The following SLC4A10 variants were observed in gnomAD, a reference collection of about 807,000 sequenced individuals.
The protein encoded by SLC4A10 is sodium-driven chloride bicarbonate exchanger.
SLC4A10 carries 42 observed loss-of-function variants against 137.7 expected under a neutral mutation model. That is an observed-to-expected ratio of 0.30 (90% CI 0.24 to 0.39). The LOEUF (loss-of-function observed/expected upper bound fraction) is 0.39, where lower values mean the gene tolerates loss of function less well. SLC4A10 is among the 10% of genes least tolerant of loss of function. The pLI, the probability that SLC4A10 is intolerant of heterozygous loss-of-function variation, is 1.00. For missense variants in SLC4A10, 925 were observed against 1,355.0 expected (o/e 0.68, Z 4.98); for synonymous variants, 474 against 464.1 (o/e 1.02, Z -0.27).
At chr2:161,844,425 A>G (rs1400052123) in intron 4 of SLC4A10, among the ~76,000 whole-genome samples, 1 of 152,136 alleles carries the variant, frequency 6.6e-6, no homozygotes, top group African/African-American at 2.4e-5. Context: ...TAAGATGACT[A>G]TAGGTATTCT....
intron 1 of SLC4A10, among the ~76,000 whole-genome samples, chr2:161,627,934 G>A (rs2032764972): frequency 6.6e-6 from 1 of 152,072 alleles, no homozygotes; most frequent in Non-Finnish European, 1.5e-5. Context: ...AGCTAGACTA[G>A]AAATAGGACT....
chr2:161,716,900 T>A (rs1451974430), intron 1 of SLC4A10, among the ~76,000 whole-genome samples: 1 of 152,206 alleles, frequency 6.6e-6, no homozygotes, highest in Non-Finnish European at 1.5e-5. Flanking sequence ...GTATGGCCAT[T>A]TTCATGATGT....
chr2:161,976,585 T>G (rs1699413561), intron 24 of SLC4A10, among the ~76,000 whole-genome samples, 175 bp from the exon 25 acceptor site: 1 of 152,240 alleles, frequency 6.6e-6, no homozygotes, highest in Non-Finnish European at 1.5e-5. Flanking sequence ...TGAACTGTAC[T>G]TTTAAAAATA....
At chr2:161,632,426 C>CCACATACACACAACAAACCCAA (rs1378837923) in intron 1 of SLC4A10, among the ~76,000 whole-genome samples, 2 of 151,558 alleles carry the variant, frequency 1.3e-5, no homozygotes, top group African/African-American at 4.8e-5. Context: ...AAAAAACCCA[C>CCACATACACACAACAAACCCAA]CACATACACA....
rs1032288628 is a variant in SLC4A10, at chr2:161,984,488, C to T, written c.*1336C>T. On this transcript the variant is annotated 3_prime_UTR_variant, in exon 27 of 27. Transcript: ENST00000446997. ...TCAACTTTATAATACTCCAATATTC[C>T]GTTTTATAATAATTCAGAGCCCTGT... is the stretch of plus-strand genomic sequence containing the variant. The T allele has an allele frequency of 1.2e-4, 18 of 151,948 alleles. No homozygotes were observed. Among genetic ancestry groups the T allele is most frequent in the Admixed American group, 7.9e-4 (12 of 15,256 alleles). The allele number at this position is 151,948 out of a possible 1,614,324, so 9.4% of individuals were successfully genotyped here. A position where few individuals can be genotyped will look rare whatever the true frequency, so the allele number is the denominator to read the frequency against.
intron 1 of SLC4A10, among the ~76,000 whole-genome samples, chr2:161,743,864 A>T (rs1482876780): frequency 6.6e-6 from 1 of 151,844 alleles, no homozygotes; most frequent in Admixed American, 6.6e-5. Context: ...TCTTTGATGA[A>T]GTTTATTCCT....
At position 161,947,688 on chromosome 2, in the gene SLC4A10, C is replaced by G; in HGVS notation, c.2226C>G (p.Thr742=). ...TTTCCACAGTTACTCTGTCAGCCAC[C>G]CTGAAGCAGTTCAAGACTAGCAGAT... ...LFFSTVTLSA[T]LKQFKTSRYF... is the part of the protein sequence containing the mutation. The change falls in exon 17 of 27, where the codon ACC becomes ACG. Residue 742 remains threonine, a synonymous_variant. Coordinates refer to ENST00000446997, the MANE Select transcript of SLC4A10 (RefSeq NM_001178015.2). 1.9e-6 allele frequency: 3 copies of G among 1,613,048 alleles called. No individual in the cohort carries two copies. The highest frequency in any genetic ancestry group is 1.7e-6 in the Non-Finnish European group (2 of 1,179,296).
At chr2:161,905,531 G>A (rs1684164082) in intron 14 of SLC4A10, 111 bp from the exon 15 acceptor site, 5 of 1,426,022 alleles carry the variant, frequency 3.5e-6, no homozygotes, top group East Asian at 2.3e-5. Context: ...CATGGGATGT[G>A]AAGCTTATTT....
chr2:161,844,521 T>C (rs1341852222), intron 4 of SLC4A10, among the ~76,000 whole-genome samples: 2 of 152,144 alleles, frequency 1.3e-5, no homozygotes, highest in Non-Finnish European at 2.9e-5. Context: ...AGACATCCAT[T>C]ATTTCCCCGA....
At chr2:161,871,372 G>C (rs1012081061) in intron 6 of SLC4A10, among the ~76,000 whole-genome samples, 3 of 144,204 alleles carry the variant, frequency 2.1e-5, no homozygotes, top group African/African-American at 7.7e-5. Flanking sequence ...CAAGGCTTCA[G>C]AGTTGAGTTG....
chr2:161,805,992 T>C (rs1259571408), intron 3 of SLC4A10, among the ~76,000 whole-genome samples: 1 of 152,212 alleles, frequency 6.6e-6, no homozygotes. Flanking sequence ...TGCCTGGGCA[T>C]CCAGGCATTT....
intron 1 of SLC4A10, among the ~76,000 whole-genome samples, chr2:161,629,064 C>A (rs961517395): frequency 2.6e-5 from 4 of 151,906 alleles, no homozygotes; most frequent in Non-Finnish European, 4.4e-5. Context: ...CAGTGTATTA[C>A]GATGGCCCGC....
At position 161,944,598 on chromosome 2, in the gene SLC4A10, C is replaced by CT. The variant is rs553294302; in HGVS notation, c.2103+1710dup. ...ATTGTGGGGTTGTTGGTTTTTTTCT[C>CT]TTTTTTTTTGTCATTTTAAAAAGTT... On this transcript the variant is annotated intron_variant, in intron 16 of 26. Transcript: ENST00000446997. Among the ~76,000 whole-genome samples the CT allele has an allele frequency of 6.5e-3, 976 of 149,784 alleles. 12 individuals carry two copies. The highest frequency in any genetic ancestry group is 0.016 in the African/African-American group (670 of 41,044).
intron 1 of SLC4A10, among the ~76,000 whole-genome samples, chr2:161,715,179 G>C (rs545935465): frequency 6.6e-6 from 1 of 152,028 alleles, no homozygotes; most frequent in Non-Finnish European, 1.5e-5. Context: ...AGAAAGTCTA[G>C]CTCTACAGCT....
chr2:161,810,610 A>G (rs771910558), intron 3 of SLC4A10, among the ~76,000 whole-genome samples: 8 of 151,978 alleles, frequency 5.3e-5, no homozygotes, highest in Non-Finnish European at 1.2e-4. Context: ...CCTTTTCTGT[A>G]TCTATCGAGA....
chr2:161,956,420 G>C (rs905194820), intron 19 of SLC4A10, among the ~76,000 whole-genome samples: 1 of 152,002 alleles, frequency 6.6e-6, no homozygotes, highest in Non-Finnish European at 1.5e-5. Context: ...CATAAAATAG[G>C]CCATCCCTTT....
At chr2:161,951,534 C>T (rs749983568) in intron 19 of SLC4A10, among the ~76,000 whole-genome samples, 12 of 152,092 alleles carry the variant, frequency 7.9e-5, no homozygotes, top group Non-Finnish European at 7.4e-5. Flanking sequence ...TAAATAAAAT[C>T]GATGAAATCA....
At chr2:161,672,524 T>A (rs188587451) in intron 1 of SLC4A10, among the ~76,000 whole-genome samples, 205 of 150,866 alleles carry the variant, frequency 1.4e-3, no homozygotes, top group African/African-American at 4.3e-3. Flanking sequence ...TTTTTTTTTT[T>A]AATTTAGAGA....
At chr2:161,735,130 G>T (rs1343542934) in intron 1 of SLC4A10, among the ~76,000 whole-genome samples, 1 of 148,608 alleles carries the variant, frequency 6.7e-6, no homozygotes. Context: ...ATAGTAGTAT[G>T]AAAAAATATA....
Sources: gnomAD v4.1 joint callset for allele counts (sites outside exome capture counted in the v4.1 genomes callset) on GRCh38, gnomAD v4.1.1 for gene constraint, MANE v1.5 for transcripts, NCBI Gene and HGNC (gene_info 2026-07-23, HGNC 2026-07-21) for gene names.